SLC7A6OS: variants seen among roughly 807,000 people sequenced by gnomAD.
The protein encoded by SLC7A6OS is solute carrier family 7 member 6 opposite strand, also known as probable RNA polymerase II nuclear localization protein SLC7A6OS.
In SLC7A6OS, 22 loss-of-function variants were observed where a neutral mutation model predicts 34.3. That is an observed-to-expected ratio of 0.64 (90% confidence interval 0.46 to 0.92). The LOEUF (loss-of-function observed/expected upper bound fraction) is 0.92, where lower values mean the gene tolerates loss of function less well. Ranked by LOEUF, SLC7A6OS falls within the 40% of genes least tolerant of loss-of-function variation. The pLI, the probability that SLC7A6OS is intolerant of heterozygous loss-of-function variation, is 0.00. For missense variants in SLC7A6OS, 434 were observed against 407.7 expected (o/e 1.06, Z -0.56); for synonymous variants, 199 against 165.0 (o/e 1.21, Z -1.58).
intron 3 of SLC7A6OS, chr16:68,303,794 C>G (rs1407037816): frequency 5.6e-6 from 3 of 535,472 alleles, no homozygotes; most frequent in Non-Finnish European, 1.0e-5. Context: ...TGTTGCAAAC[C>G]TTGTAAAATA....
At position 68,301,344 on chromosome 16, in the gene SLC7A6OS, C is replaced by T; in HGVS notation, c.861G>A (p.Trp287Ter). The T allele has an allele frequency of 1.2e-6, 2 of 1,614,134 alleles. No homozygotes were observed. The highest frequency in any genetic ancestry group is 1.7e-6 in the Non-Finnish European group (2 of 1,180,008). Residue 287 changes from tryptophan to a stop codon, truncating the protein, a stop_gained, in exon 5 of 5, where the codon TGG becomes TGA. Transcript: ENST00000263997. LOFTEE classifies it high-confidence loss of function. ...EERGSSRQRMWSKYPLDVQKE... is the reference protein window; with the variant it reads ...EERGSSRQRM ...TCTGCACATCCAGAGGGTACTTGCTCCACATCCGCTGTCTGCTGCTGCCTC... is the reference window on the plus strand; with the variant it reads ...TCTGCACATCCAGAGGGTACTTGCTTCACATCCGCTGTCTGCTGCTGCCTC...
rs1055809052 is a variant in SLC7A6OS, at chr16:68,299,079, T to C, written c.*2196A>G. 6 of 152,670 alleles carry C rather than the reference T, an allele frequency of 3.9e-5. No individual in the cohort carries two copies. Among genetic ancestry groups the C allele is most frequent in the Non-Finnish European group, 8.8e-5 (6 of 68,054 alleles). 9.5% of individuals were successfully genotyped at this position (152,670 alleles called of 1,614,324 possible). A position where few individuals can be genotyped will look rare whatever the true frequency, so the allele number is the denominator to read the frequency against. ...GCATGGGGTGACATTCCTACTGTCA[T>C]GGGTTTGGGATTTGTAACGGCAAAT... On this transcript the variant is annotated 3_prime_UTR_variant, in exon 5 of 5. Coordinates refer to ENST00000263997, the MANE Select transcript of SLC7A6OS (RefSeq NM_032178.3).
At position 68,298,516 on chromosome 16, in the gene SLC7A6OS, T is replaced by C. The variant is rs964570148; in HGVS notation, c.*2759A>G. ...GCTTTGTTTACACTTGGAGCCACCT[T>C]GGTGTGGGTCACCGGGACAGTGTAC... On this transcript the variant is annotated 3_prime_UTR_variant, in exon 5 of 5. Transcript: ENST00000263997. 6.6e-6 allele frequency: 1 copy of C among 152,272 alleles called. No homozygotes were observed. The highest frequency in any genetic ancestry group is 6.5e-5 in the Admixed American group (1 of 15,284). The allele number at this position is 152,272 out of a possible 1,614,324, so 9.4% of individuals were successfully genotyped here.
chr16:68,301,583 A>T, intron 4 of SLC7A6OS, 178 bp from the exon 5 acceptor site: 1 of 496,102 alleles, frequency 2.0e-6, no homozygotes, highest in African/African-American at 2.0e-5. Context: ...CTTTCCTATC[A>T]TCTAAACCAA....
At position 68,302,521 on chromosome 16, in the gene SLC7A6OS, C is replaced by T. The variant is rs1337506583; in HGVS notation, c.679-20G>A. ...ATTCACCTACACATCTCAACACAAA[C>T]ATGAGTCCAAGTCAAAACCTCTAAG... is the stretch of plus-strand genomic sequence containing the variant. On this transcript the variant is annotated intron_variant, in intron 3 of 4. Coordinates refer to ENST00000263997, the MANE Select transcript of SLC7A6OS (RefSeq NM_032178.3). 3.7e-6 allele frequency: 6 copies of T among 1,614,090 alleles called. No individual in the cohort carries two copies. Among genetic ancestry groups the T allele is most frequent in the Non-Finnish European group, 4.2e-6 (5 of 1,179,980 alleles).
At chr16:68,303,883 C>A in intron 3 of SLC7A6OS, 143 bp downstream of exon 3, 1 of 702,340 alleles carries the variant, frequency 1.4e-6, no homozygotes, top group Non-Finnish European at 2.4e-6. Context: ...TCCTAAAAGG[C>A]ACTTAGAATA....
chr16:68,299,960 A>G lies in SLC7A6OS; in HGVS notation c.*1315T>C, dbSNP rs1037628935. On this transcript the variant is annotated 3_prime_UTR_variant, in exon 5 of 5. Coordinates refer to ENST00000263997, the MANE Select transcript of SLC7A6OS (RefSeq NM_032178.3). ...AAAATGGACATAAAGTCAAAGAATG[A>G]TGGCAGGTAGGATGAAGGAGAGATA... 1 of 152,210 alleles carries G rather than the reference A, an allele frequency of 6.6e-6. No individual in the cohort carries two copies. Among genetic ancestry groups the G allele is most frequent in the African/African-American group, 2.4e-5 (1 of 41,446 alleles). The allele number at this position is 152,210 out of a possible 1,614,324, so 9.4% of individuals were successfully genotyped here.
Position 68,300,800 on chromosome 16 carries a change from A to T in SLC7A6OS, c.*475T>A, listed in dbSNP as rs1042688711. On this transcript the variant is annotated 3_prime_UTR_variant, in exon 5 of 5. Transcript: ENST00000263997. ...ACTTTCTGCCCTAATGGCCATTACTATCCAGTCTGTATTGCTACAAGGGAC... is the reference window on the plus strand; with the variant it reads ...ACTTTCTGCCCTAATGGCCATTACTTTCCAGTCTGTATTGCTACAAGGGAC... 17 of 985,562 alleles carry T rather than the reference A, an allele frequency of 1.7e-5. No individual in the cohort carries two copies. Among genetic ancestry groups the T allele is most frequent in the Non-Finnish European group, 2.0e-5 (17 of 830,158 alleles). The allele number at this position is 985,562 out of a possible 1,614,324, so 61.1% of individuals were successfully genotyped here. A position where few individuals can be genotyped will look rare whatever the true frequency, so the allele number is the denominator to read the frequency against.
At chr16:68,310,081 T>C (rs566439953) in intron 2 of SLC7A6OS, among the ~76,000 whole-genome samples, 4 of 152,322 alleles carry the variant, frequency 2.6e-5, no homozygotes, top group South Asian at 4.1e-4. Flanking sequence ...TGACACTGAA[T>C]AGACTTGTTT....
At chr16:68,306,899 G>T (rs1465622173) in intron 2 of SLC7A6OS, among the ~76,000 whole-genome samples, 1 of 152,090 alleles carries the variant, frequency 6.6e-6, no homozygotes, top group Non-Finnish European at 1.5e-5. Context: ...CTGGAGGGCA[G>T]CAGTATGATC....
At position 68,310,757 on chromosome 16, in the gene SLC7A6OS, A is replaced by C; in HGVS notation, c.170T>G (p.Leu57Trp). 1 of 1,611,204 alleles carries C rather than the reference A, an allele frequency of 6.2e-7. No homozygotes were observed. Among genetic ancestry groups the C allele is most frequent in the Admixed American group, 1.7e-5 (1 of 59,862 alleles). ...ERAAENNVFH[L>W]VATVCSQEEP... The stretch of plus-strand genomic sequence containing the variant: ...TACCTGGGAGCACACAGTGGCCACC[A>C]AGTGGAAGACATTATTCTCCGCCGC... The change falls in exon 1 of 5, where the codon TTG becomes TGG. Residue 57 changes from leucine (L) to tryptophan (W), a missense_variant. Leu to Trp is a moderately conservative substitution (Grantham distance 61). Coordinates refer to ENST00000263997, the MANE Select transcript of SLC7A6OS (RefSeq NM_032178.3).
chr16:68,310,567 C>G lies in SLC7A6OS; in HGVS notation c.239G>C (p.Arg80Pro), dbSNP rs2043472840. 1 of 1,584,622 alleles carries G rather than the reference C, an allele frequency of 6.3e-7. No homozygotes were observed. Among genetic ancestry groups the G allele is most frequent in the Admixed American group, 1.8e-5 (1 of 55,466 alleles). Residue 80 changes from arginine (R) to proline (P), a missense_variant, in exon 2 of 5, where the codon CGG becomes CCG. Arg to Pro is a moderately radical substitution (Grantham distance 103). Transcript: ENST00000263997. ...ACGGCGGACACGCTGCTGGCTGTCC[C>G]GTGACGGGCGCAGAACTTCCCGCAG... Reference protein sequence around the residue: ...PLLREVLRPSRDSQQRVRRNL... With the variant: ...PLLREVLRPSPDSQQRVRRNL...
chr16:68,310,567 C>A lies in SLC7A6OS; in HGVS notation c.239G>T (p.Arg80Leu). Residue 80 changes from arginine (R) to leucine (L), a missense_variant, in exon 2 of 5, where the codon CGG (arginine) becomes CTG (leucine). Physicochemically the swap from Arg to Leu is moderately radical, Grantham distance 102 (BLOSUM62 -2). Coordinates refer to ENST00000263997, the MANE Select transcript of SLC7A6OS (RefSeq NM_032178.3). ...ACGGCGGACACGCTGCTGGCTGTCC[C>A]GTGACGGGCGCAGAACTTCCCGCAG... is the stretch of plus-strand genomic sequence containing the variant. ...PLLREVLRPSRDSQQRVRRNL... is the reference protein window; with the variant it reads ...PLLREVLRPSLDSQQRVRRNL... 6.3e-7 allele frequency: 1 copy of A among 1,584,740 alleles called. No individual in the cohort carries two copies. Among genetic ancestry groups the A allele is most frequent in the East Asian group, 2.3e-5 (1 of 42,924 alleles).
chr16:68,306,391 G>T (rs1027607532), intron 2 of SLC7A6OS, among the ~76,000 whole-genome samples: 1 of 151,988 alleles, frequency 6.6e-6, no homozygotes. Flanking sequence ...GCCAATTTTT[G>T]TATTTTTAGT....
chr16:68,305,993 T>C (rs1008854935), intron 2 of SLC7A6OS, among the ~76,000 whole-genome samples: 1 of 151,922 alleles, frequency 6.6e-6, no homozygotes, highest in Non-Finnish European at 1.5e-5. Context: ...AGGTGGAGGC[T>C]GCACCGAGCC....
Position 68,304,250 on chromosome 16 carries a change from A to T in SLC7A6OS, c.472-18T>A, listed in dbSNP as rs770189571. On this transcript the variant is annotated intron_variant, in intron 2 of 4. Coordinates refer to ENST00000263997, the MANE Select transcript of SLC7A6OS (RefSeq NM_032178.3). ...TCAGATGTCTGTAAAGAAACCACAG[A>T]TTACACACACACGCATGACCCAAAA... 3.1e-6 allele frequency: 5 copies of T among 1,607,744 alleles called. No individual in the cohort carries two copies. The highest frequency in any genetic ancestry group is 4.3e-6 in the Non-Finnish European group (5 of 1,174,210).
At chr16:68,310,704 C>T in intron 1 of SLC7A6OS, 31 bp downstream of exon 1, 1 of 1,585,398 alleles carries the variant, frequency 6.3e-7, no homozygotes, top group African/African-American at 1.3e-5. Context: ...CCCGAAGATG[C>T]CCTCCACACC....
In SLC7A6OS at chr16:68,300,614, C is replaced by G; in HGVS notation, c.*661G>C. 1.0e-6 allele frequency: 1 copy of G among 985,158 alleles called. No individual in the cohort carries two copies. Among genetic ancestry groups the G allele is most frequent in the Non-Finnish European group, 1.2e-6 (1 of 829,654 alleles). The allele number at this position is 985,158 out of a possible 1,614,324, so 61.0% of individuals were successfully genotyped here. A position where few individuals can be genotyped will look rare whatever the true frequency, so the allele number is the denominator to read the frequency against. On this transcript the variant is annotated 3_prime_UTR_variant, in exon 5 of 5. Transcript: ENST00000263997. Reference sequence around the variant, plus strand: ...TAAAAGGTTTTCAAAGAATTACTTTCTTCCATGTTCAAAGCTAGATTTTAC... The same window carrying G: ...TAAAAGGTTTTCAAAGAATTACTTTGTTCCATGTTCAAAGCTAGATTTTAC...
In SLC7A6OS at chr16:68,304,180, C is replaced by T. The variant is rs34795337; in HGVS notation, c.524G>A (p.Arg175Gln). The T allele has an allele frequency of 1.9e-4, 302 of 1,614,142 alleles. No homozygotes were observed. The highest frequency in any genetic ancestry group is 2.0e-4 in the Non-Finnish European group (235 of 1,180,038). ...TGGTCCATCCTCAGACACAGTCAAT[C>T]GCTCACGGATCAACTCTACAGAATT... The part of the protein sequence containing the change: ...LCNSVELIRE[R>Q]LTVSEDGPGV... The change falls in exon 3 of 5, where the codon CGA (arginine) becomes CAA (glutamine). Residue 175 changes from arginine (R) to glutamine (Q), a missense_variant. Physicochemically the swap from Arg to Gln is conservative, Grantham distance 43. Coordinates refer to ENST00000263997, the MANE Select transcript of SLC7A6OS (RefSeq NM_032178.3).
Sources: gnomAD v4.1 joint callset for allele counts (sites outside exome capture counted in the v4.1 genomes callset) on GRCh38, gnomAD v4.1.1 for gene constraint, MANE v1.5 for transcripts, NCBI Gene and HGNC (gene_info 2026-07-23, HGNC 2026-07-21) for gene names.